Variants in NUDT21 observed in about 807,000 individuals in gnomAD.
NUDT21 encodes the protein nudix hydrolase 21, also known as cleavage and polyadenylation specificity factor subunit 5.
A neutral mutation model predicts 29.8 loss-of-function variants in NUDT21; 5 were observed. The observed-to-expected ratio is 0.17, with a 90% CI of 0.09 to 0.35. NUDT21 has a LOEUF of 0.35. Among genes scored for constraint, NUDT21 ranks in the 10% least tolerant of loss-of-function variants. The pLI, the probability that NUDT21 is intolerant of heterozygous loss-of-function variation, is 1.00. For missense variants in NUDT21, 76 were observed against 276.0 expected (o/e 0.28, Z 5.13); for synonymous variants, 113 against 98.5 (o/e 1.15, Z -0.87).
At chr16:56,444,758 A>G (rs1962199939) in intron 3 of NUDT21, among the ~76,000 whole-genome samples, 1 of 152,172 alleles carries the variant, frequency 6.6e-6, no homozygotes, top group South Asian at 2.1e-4. Flanking sequence ...CTCTGATTCA[A>G]TTACTACAGA....
chr16:56,444,620 C>CAAAA (rs376261802), intron 3 of NUDT21, among the ~76,000 whole-genome samples: 2 of 111,028 alleles, frequency 1.8e-5, no homozygotes, highest in Non-Finnish European at 4.0e-5. Flanking sequence ...AAAACAAAAA[C>CAAAA]AAAAAAAAAA....
chr16:56,437,860 T>C (rs1962121177), intron 4 of NUDT21, among the ~76,000 whole-genome samples: 1 of 152,184 alleles, frequency 6.6e-6, no homozygotes, highest in African/African-American at 2.4e-5. Context: ...GTCATTCTTC[T>C]GAAAAATGTT....
intron 3 of NUDT21, among the ~76,000 whole-genome samples, chr16:56,441,953 G>A (rs183746652): frequency 9.9e-5 from 15 of 152,160 alleles, no homozygotes; most frequent in East Asian, 1.9e-4. Context: ...GCAATGGCGC[G>A]ATCTCCACTC....
chr16:56,432,663 G>A lies in NUDT21; in HGVS notation c.*49C>T. 6.3e-7 allele frequency: 1 copy of A among 1,583,872 alleles called. No homozygotes were observed. The highest frequency in any genetic ancestry group is 1.1e-5 in the South Asian group (1 of 88,708). On this transcript the variant is annotated 3_prime_UTR_variant, in exon 7 of 7. Transcript: ENST00000300291. ...CATTTATTCTACACTGTATATAGCT[G>A]TGCTCACAGAGACAAGCGGCTTCTT...
At chr16:56,447,059 C>T (rs969771674) in intron 2 of NUDT21, 1 of 174,610 alleles carries the variant, frequency 5.7e-6, no homozygotes, top group South Asian at 1.6e-4. Flanking sequence ...ACCCTCGCCT[C>T]CCCCTCACCC....
At position 56,434,246 on chromosome 16, in the gene NUDT21, T is replaced by C. The variant is rs1477025243; in HGVS notation, c.662+85A>G. On this transcript the variant is annotated intron_variant, in intron 6 of 6. Transcript: ENST00000300291. ...TAGTTTCCTTAAAGACCAAAATTCATGAACTATACCTTCCCAAGTGGCTCA... is the reference window on the plus strand; with the variant it reads ...TAGTTTCCTTAAAGACCAAAATTCACGAACTATACCTTCCCAAGTGGCTCA... 4.8e-6 allele frequency: 4 copies of C among 839,672 alleles called. No individual in the cohort carries two copies. The Admixed American group carries it at 6.7e-5, about 14-fold the overall frequency. 52.0% of individuals were successfully genotyped at this position (839,672 alleles called of 1,614,324 possible).
intron 3 of NUDT21, among the ~76,000 whole-genome samples, chr16:56,444,608 A>C (rs867323527): frequency 2.3e-4 from 35 of 150,168 alleles, no homozygotes; most frequent in African/African-American, 6.6e-4. Context: ...CTCAAAAAAA[A>C]AAAAACAAAA....
At chr16:56,444,724 A>C (rs1258828326) in intron 3 of NUDT21, among the ~76,000 whole-genome samples, 1 of 151,982 alleles carries the variant, frequency 6.6e-6, no homozygotes, top group African/African-American at 2.4e-5. Flanking sequence ...CCCATCCCCT[A>C]AACTTTTTTC....
At position 56,450,859 on chromosome 16, in the gene NUDT21, C is replaced by T. The variant is rs373934445; in HGVS notation, c.116+228G>A. On this transcript the variant is annotated intron_variant, in intron 1 of 6. Coordinates refer to ENST00000300291, the MANE Select transcript of NUDT21 (RefSeq NM_007006.3). ...AAACTCCGTTTTTCCCCATTATGAC[C>T]GAATACATAGGATGGGAACAAGCCT... Among the ~76,000 whole-genome samples, 4 of 152,112 alleles carry T rather than the reference C, an allele frequency of 2.6e-5. No homozygotes were observed. The East Asian group carries it at 5.8e-4, about 22-fold the overall frequency.
In NUDT21 at chr16:56,451,110, G is replaced by T; in HGVS notation, c.93C>A (p.Leu31=). Residue 31 remains leucine, a synonymous_variant, in exon 1 of 7, where the codon CTC becomes CTA. Coordinates refer to ENST00000300291, the MANE Select transcript of NUDT21 (RefSeq NM_007006.3). ...GNKYIQQTKP[L]TLERTINLYP... ...ACAGGTTGATGGTGCGCTCCAGGGTGAGGGGCTTCGTCTGCTGGATGTACT... is the reference window on the plus strand; with the variant it reads ...ACAGGTTGATGGTGCGCTCCAGGGTTAGGGGCTTCGTCTGCTGGATGTACT... 6.2e-7 allele frequency: 1 copy of T among 1,613,818 alleles called. No individual in the cohort carries two copies. The highest frequency in any genetic ancestry group is 8.5e-7 in the Non-Finnish European group (1 of 1,179,878).
At chr16:56,436,477 T>C (rs79654058) in intron 4 of NUDT21, among the ~76,000 whole-genome samples, 8,611 of 152,270 alleles carry the variant, frequency 0.057, 323 homozygotes, top group East Asian at 0.16. Context: ...TAATTATATA[T>C]CAGAGCCATC....
At chr16:56,449,285 G>T (rs192006910) in intron 1 of NUDT21, 1 of 152,212 alleles carries the variant, frequency 6.6e-6, no homozygotes, top group Non-Finnish European at 1.5e-5. Context: ...TGTGAAATCA[G>T]AGTGCCAGCC....
intron 3 of NUDT21, among the ~76,000 whole-genome samples, chr16:56,445,359 G>C (rs182013313): frequency 6.6e-6 from 1 of 152,116 alleles, no homozygotes; most frequent in Non-Finnish European, 1.5e-5. Flanking sequence ...GGCATGCAAT[G>C]CGTAATATTC....
In NUDT21 at chr16:56,429,366, C is replaced by G. The variant is rs1322404300; in HGVS notation, c.*3346G>C. 6.6e-6 allele frequency: 1 copy of G among 152,122 alleles called. No individual in the cohort carries two copies. The highest frequency in any genetic ancestry group is 1.5e-5 in the Non-Finnish European group (1 of 68,022). The allele number at this position is 152,122 out of a possible 1,614,324, so 9.4% of individuals were successfully genotyped here. On this transcript the variant is annotated 3_prime_UTR_variant, in exon 7 of 7. Coordinates refer to ENST00000300291, the MANE Select transcript of NUDT21 (RefSeq NM_007006.3). ...TAAATTTCTAAATACATGACCTTTC[C>G]CTCAACAGAACAGCATAATCAATAT... is the stretch of plus-strand genomic sequence containing the variant.
In NUDT21 at chr16:56,432,652, T is replaced by C; in HGVS notation, c.*60A>G. On this transcript the variant is annotated 3_prime_UTR_variant, in exon 7 of 7. Transcript: ENST00000300291. ...CTTTTCTACCACATTTATTCTACACTGTATATAGCTGTGCTCACAGAGACA... is the reference window on the plus strand; with the variant it reads ...CTTTTCTACCACATTTATTCTACACCGTATATAGCTGTGCTCACAGAGACA... 1.4e-6 allele frequency: 2 copies of C among 1,474,622 alleles called. No individual in the cohort carries two copies. The highest frequency in any genetic ancestry group is 2.2e-5 in the Admixed American group (1 of 46,130). 91.3% of individuals were successfully genotyped at this position (1,474,622 alleles called of 1,614,324 possible). A position where few individuals can be genotyped will look rare whatever the true frequency, so the allele number is the denominator to read the frequency against.
chr16:56,451,233 G>T lies in NUDT21; in HGVS notation c.-31C>A. 3 of 1,523,446 alleles carry T rather than the reference G, an allele frequency of 2.0e-6. No homozygotes were observed. The highest frequency in any genetic ancestry group is 1.8e-6 in the Non-Finnish European group (2 of 1,114,576). 94.4% of individuals were successfully genotyped at this position (1,523,446 alleles called of 1,614,324 possible). A position where few individuals can be genotyped will look rare whatever the true frequency, so the allele number is the denominator to read the frequency against. ...CGAGCTCCGGCGCTGACGGCGAGCA[G>T]AAAGTGGCAGGCAGGGTAGACTTTC... On this transcript the variant is annotated 5_prime_UTR_variant, in exon 1 of 7. The change creates a new upstream start codon in the 5' untranslated region. Transcript: ENST00000300291.
chr16:56,435,892 G>T (rs1334970976), intron 4 of NUDT21, among the ~76,000 whole-genome samples: 1 of 144,760 alleles, frequency 6.9e-6, no homozygotes, highest in Non-Finnish European at 1.5e-5. Flanking sequence ...CCTCCTTCCA[G>T]CCCCAACCTC....
chr16:56,431,700 C>T lies in NUDT21; in HGVS notation c.*1012G>A, dbSNP rs1382704767. 6.6e-6 allele frequency: 1 copy of T among 152,130 alleles called. No individual in the cohort carries two copies. The highest frequency in any genetic ancestry group is 1.5e-5 in the Non-Finnish European group (1 of 68,018). The allele number at this position is 152,130 out of a possible 1,614,324, so 9.4% of individuals were successfully genotyped here. The stretch of plus-strand genomic sequence containing the variant: ...CTTTGCTCTAATATTTTTTATTCCC[C>T]CAAATTTGATCCGAATTTATCAGTA... On this transcript the variant is annotated 3_prime_UTR_variant, in exon 7 of 7. Transcript: ENST00000300291.
chr16:56,446,573 A>C (rs1567540298), intron 3 of NUDT21, 53 bp downstream of exon 3: 1 of 1,017,470 alleles, frequency 9.8e-7, no homozygotes, highest in Non-Finnish European at 1.5e-6. Context: ...AGACATTAAA[A>C]GCCAAATAAC....
Sources: gnomAD v4.1 joint callset for allele counts (sites outside exome capture counted in the v4.1 genomes callset) on GRCh38, gnomAD v4.1.1 for gene constraint, MANE v1.5 for transcripts, NCBI Gene and HGNC (gene_info 2026-07-23, HGNC 2026-07-21) for gene names.